Variants in SAV1 observed in about 807,000 individuals in gnomAD.
SAV1 encodes protein salvador homolog 1.
Under a neutral mutation model 47.3 loss-of-function variants are expected in SAV1, and 23 were observed. The ratio of observed to expected loss-of-function variants is 0.49; its 90% CI spans 0.35 to 0.69. SAV1 has a LOEUF of 0.69. SAV1 is among the 30% of genes least tolerant of loss of function. The pLI is 0.01. For missense variants in SAV1, 448 were observed against 457.4 expected, an observed-to-expected ratio of 0.98 and a Z score of 0.19; for synonymous variants, 155 against 159.2, an observed-to-expected ratio of 0.97 and a Z score of 0.20.
At chr14:50,641,301 A>G (rs1397316121) in intron 3 of SAV1, among the ~76,000 whole-genome samples, 1 of 152,162 alleles carries the variant, frequency 6.6e-6, no homozygotes, top group Non-Finnish European at 1.5e-5. Context: ...AAATATCTCT[A>G]TCCAATGCAG....
Position 50,644,940 on chromosome 14 carries a change from C to A in SAV1, c.610G>T (p.Gly204Cys), listed in dbSNP as rs764613296. ...CTCATTGTCCAGTCCACAGACCAGC[C>A]AGGAGGAAGGGGTAAATCTTCAGAA... ...HGSEDLPLPP[G>C]WSVDWTMRGR... The change falls in exon 3 of 5, where the codon GGC becomes TGC. Residue 204 changes from glycine to cysteine, a missense_variant. Coordinates refer to ENST00000324679, the MANE Select transcript of SAV1 (RefSeq NM_021818.4). 2.5e-6 allele frequency: 4 copies of A among 1,613,912 alleles called. No individual in the cohort carries two copies. The Admixed American group carries it at 6.7e-5, about 27-fold the overall frequency.
intron 2 of SAV1, among the ~76,000 whole-genome samples, chr14:50,646,428 G>A (rs370946746): frequency 6.6e-6 from 1 of 152,202 alleles, no homozygotes; most frequent in East Asian, 1.9e-4. Flanking sequence ...GCTCACGCCT[G>A]TAATCCGAGC....
chr14:50,657,896 C>G (rs950258557), intron 2 of SAV1, among the ~76,000 whole-genome samples: 1 of 152,144 alleles, frequency 6.6e-6, no homozygotes, highest in Non-Finnish European at 1.5e-5. Flanking sequence ...TACAACCAGG[C>G]AGATATTTAT....
At chr14:50,652,505 C>T (rs2039777614) in intron 2 of SAV1, among the ~76,000 whole-genome samples, 2 of 152,066 alleles carry the variant, frequency 1.3e-5, no homozygotes, top group Admixed American at 6.6e-5. Flanking sequence ...CAATATGAGC[C>T]TGGAACATCT....
chr14:50,659,408 G>T (rs1481943707), intron 2 of SAV1, among the ~76,000 whole-genome samples: 1 of 152,136 alleles, frequency 6.6e-6, no homozygotes, highest in African/African-American at 2.4e-5. Context: ...CCCGAATTTT[G>T]ATAAAATATT....
At chr14:50,655,863 T>A (rs994221935) in intron 2 of SAV1, among the ~76,000 whole-genome samples, 2 of 151,804 alleles carry the variant, frequency 1.3e-5, no homozygotes, top group Non-Finnish European at 2.9e-5. Context: ...CTGACCAACA[T>A]GGAGAAACCC....
Position 50,634,220 on chromosome 14 carries a change from C to A in SAV1, c.*963G>T. On this transcript the variant is annotated 3_prime_UTR_variant, in exon 5 of 5. Transcript: ENST00000324679. ...GTTAGCAACTTTGAGTTTCACGCAC[C>A]TTCCCAATACAGGCTAAGTATTCCT... 2.2e-6 allele frequency: 1 copy of A among 453,974 alleles called. No individual in the cohort carries two copies. Among genetic ancestry groups the A allele is most frequent in the South Asian group, 1.6e-5 (1 of 64,152 alleles). The allele number at this position is 453,974 out of a possible 1,614,324, so 28.1% of individuals were successfully genotyped here.
intron 1 of SAV1, chr14:50,667,463 C>T (rs1211147045): frequency 2.2e-6 from 1 of 457,014 alleles, no homozygotes; most frequent in Non-Finnish European, 4.4e-6. Flanking sequence ...CGAGAGACAC[C>T]CGCAATGTTT....
At position 50,655,308 on chromosome 14, in the gene SAV1, T is replaced by G. The variant is rs147753922; in HGVS notation, c.535+9871A>C. Among the ~76,000 whole-genome samples, 842 of 152,354 alleles carry G rather than the reference T, an allele frequency of 5.5e-3. 5 individuals carry two copies. The highest frequency in any genetic ancestry group is 0.02 in the African/African-American group (813 of 41,580). ...ACAATTTTTTCTAATGTATAGTCAATTCAGTGTATTTATATGAGTTACTTA... is the reference window on the plus strand; with the variant it reads ...ACAATTTTTTCTAATGTATAGTCAAGTCAGTGTATTTATATGAGTTACTTA... On this transcript the variant is annotated intron_variant, in intron 2 of 4. Coordinates refer to ENST00000324679, the MANE Select transcript of SAV1 (RefSeq NM_021818.4).
At chr14:50,644,022 T>C (rs767620945) in intron 3 of SAV1, among the ~76,000 whole-genome samples, 31 of 152,348 alleles carry the variant, frequency 2.0e-4, no homozygotes, top group South Asian at 6.2e-4. Flanking sequence ...TGTGGTTAAT[T>C]TGAAATATTT....
intron 2 of SAV1, among the ~76,000 whole-genome samples, chr14:50,647,133 C>A (rs1472796631): frequency 6.6e-6 from 1 of 152,020 alleles, no homozygotes; most frequent in African/African-American, 2.4e-5. Flanking sequence ...AAAACTATAA[C>A]GCTTTTACAA....
intron 3 of SAV1, among the ~76,000 whole-genome samples, chr14:50,641,702 C>CA (rs1019700742): frequency 2.0e-5 from 3 of 151,990 alleles, no homozygotes; most frequent in African/African-American, 7.2e-5. Context: ...ATTAAAAAGT[C>CA]AAAAAATAAC....
intron 1 of SAV1, among the ~76,000 whole-genome samples, chr14:50,666,092 C>G (rs967593276): frequency 1.3e-5 from 2 of 152,164 alleles, no homozygotes; most frequent in Non-Finnish European, 2.9e-5. Flanking sequence ...CTTAATGCTA[C>G]TCCCAAATAT....
rs200167289 is a variant in SAV1, at chr14:50,644,755, G to C, written c.795C>G (p.Pro265=). The part of the protein sequence containing the change: ...HTNKKAQYRH[P]CAPSVPRYDQ... ...AGTTGATACTGTACCTAGGAGCACAGGGATGCCTGTATTGGGCCTTCTTAT... is the reference window on the plus strand; with the variant it reads ...AGTTGATACTGTACCTAGGAGCACACGGATGCCTGTATTGGGCCTTCTTAT... Residue 265 remains proline (P), a synonymous_variant, in exon 3 of 5, where the codon CCC becomes CCG. Coordinates refer to ENST00000324679, the MANE Select transcript of SAV1 (RefSeq NM_021818.4). 2 of 1,613,718 alleles carry C rather than the reference G, an allele frequency of 1.2e-6. No homozygotes were observed. The highest frequency in any genetic ancestry group is 1.7e-6 in the Non-Finnish European group (2 of 1,179,814).
chr14:50,658,485 C>A (rs1413735159), intron 2 of SAV1, among the ~76,000 whole-genome samples: 1 of 152,060 alleles, frequency 6.6e-6, no homozygotes, highest in Non-Finnish European at 1.5e-5. Context: ...TACAGCTAAA[C>A]GTAGAACTTT....
intron 1 of SAV1, among the ~76,000 whole-genome samples, chr14:50,667,095 A>T (rs1026091195): frequency 1.3e-5 from 2 of 152,182 alleles, no homozygotes; most frequent in African/African-American, 4.8e-5. Flanking sequence ...AATGTCCTGA[A>T]CACACAAGAA....
intron 2 of SAV1, among the ~76,000 whole-genome samples, chr14:50,658,277 T>C (rs989841005): frequency 3.3e-5 from 5 of 152,222 alleles, no homozygotes; most frequent in Non-Finnish European, 7.3e-5. Flanking sequence ...ATTTCTTTAG[T>C]CATCTTTAAA....
chr14:50,657,693 C>T (rs948362439), intron 2 of SAV1, among the ~76,000 whole-genome samples: 1 of 152,126 alleles, frequency 6.6e-6, no homozygotes, highest in African/African-American at 2.4e-5. Flanking sequence ...TCAAGTAGTC[C>T]TTGAAAGTAA....
At chr14:50,645,206 A>T (rs906734482) in intron 2 of SAV1, among the ~76,000 whole-genome samples, 192 bp from the exon 3 acceptor site, 6 of 152,170 alleles carry the variant, frequency 3.9e-5, no homozygotes, top group African/African-American at 1.4e-4. Context: ...AAGGGGGAGG[A>T]ACTAGACTTT....
Sources: allele counts gnomAD v4.1 joint callset (sites outside exome capture counted in the v4.1 genomes callset), GRCh38; gene constraint gnomAD v4.1.1; transcripts MANE v1.5; gene names NCBI Gene and HGNC (gene_info 2026-07-23, HGNC 2026-07-21).